MIPOL1: variants seen among roughly 807,000 people sequenced by gnomAD.
The protein encoded by MIPOL1 is mirror-image polydactyly gene 1 protein.
Under a neutral mutation model 60.9 loss-of-function variants are expected in MIPOL1, and 57 were observed. The ratio of observed to expected loss-of-function variants is 0.94; its 90% CI spans 0.76 to 1.17. MIPOL1 has a LOEUF of 1.17. Ranked by LOEUF, MIPOL1 falls within the 50% of genes most tolerant of loss-of-function variation. MIPOL1 has a pLI of 0.00. For missense variants in MIPOL1, 551 were observed against 511.6 expected, an observed-to-expected ratio of 1.08 and a Z score of -0.74; for synonymous variants, 179 against 168.8, an observed-to-expected ratio of 1.06 and a Z score of -0.47.
chr14:37,335,482 GTACCTTATA>G (rs1449614274), intron 9 of MIPOL1, among the ~76,000 whole-genome samples: 4 of 151,968 alleles, frequency 2.6e-5, no homozygotes, highest in Non-Finnish European at 1.5e-5. Flanking sequence ...AGTATTCTAG[GTACCTTATA>G]TAGGTGGAAT....
intron 9 of MIPOL1, among the ~76,000 whole-genome samples, chr14:37,360,351 A>G (rs991123200): frequency 2.0e-5 from 3 of 151,986 alleles, no homozygotes; most frequent in Admixed American, 1.3e-4. Flanking sequence ...ATTAGGGAGG[A>G]TTCCCTCTTT....
intron 1 of MIPOL1, among the ~76,000 whole-genome samples, chr14:37,228,174 T>C (rs1970042701): frequency 6.6e-6 from 1 of 152,126 alleles, no homozygotes; most frequent in Non-Finnish European, 1.5e-5. Flanking sequence ...TTAAGAACCA[T>C]ACACATTACA....
At chr14:37,367,205 G>T (rs1409783999) in intron 9 of MIPOL1, among the ~76,000 whole-genome samples, 2 of 141,940 alleles carry the variant, frequency 1.4e-5, no homozygotes, top group Non-Finnish European at 3.2e-5. Context: ...TTTCAAAATT[G>T]CAGAGTTTAA....
intron 1 of MIPOL1, among the ~76,000 whole-genome samples, chr14:37,241,899 A>G (rs138711672): frequency 1.5e-3 from 223 of 152,274 alleles, no homozygotes; most frequent in African/African-American, 4.5e-3. Context: ...ATTCCAAGAC[A>G]TTCTTGCCAT....
intron 6 of MIPOL1, among the ~76,000 whole-genome samples, chr14:37,279,268 C>T (rs949384431): frequency 1.3e-5 from 2 of 149,032 alleles, no homozygotes; most frequent in African/African-American, 4.9e-5. Context: ...ATACGAGATG[C>T]AATTAACAGT....
intron 3 of MIPOL1, among the ~76,000 whole-genome samples, chr14:37,248,541 C>CAGACAAGAGACACATATAGTGAAAG (rs1973555077): frequency 6.6e-6 from 1 of 151,794 alleles, no homozygotes; most frequent in Non-Finnish European, 1.5e-5. Context: ...GATGTACATA[C>CAGACAAGAGACACATATAGTGAAAG]AGACAAGAGA....
downstream of MIPOL1, chr14:37,552,207 G>C (rs1327654416): frequency 6.6e-6 from 1 of 152,054 alleles, no homozygotes; most frequent in Non-Finnish European, 1.5e-5. Context: ...ACATTACTTT[G>C]TTAAATTATT....
intron 5 of MIPOL1, 37 bp downstream of exon 5, chr14:37,268,830 G>A (rs757964988): frequency 1.4e-6 from 2 of 1,421,890 alleles, no homozygotes; most frequent in South Asian, 3.0e-5. Flanking sequence ...TATAGTATGG[G>A]TTTAGCTGTT....
chr14:37,350,828 A>G (rs1223852772), intron 9 of MIPOL1, among the ~76,000 whole-genome samples: 1 of 152,152 alleles, frequency 6.6e-6, no homozygotes, highest in Non-Finnish European at 1.5e-5. Flanking sequence ...AGAACATGCG[A>G]TGATCTCTTT....
intron 11 of MIPOL1, among the ~76,000 whole-genome samples, chr14:37,483,581 A>G (rs1189431359): frequency 6.6e-6 from 1 of 152,172 alleles, no homozygotes; most frequent in Non-Finnish European, 1.5e-5. Flanking sequence ...TCCAAAAACT[A>G]AAAATAGAAT....
intron 1 of MIPOL1, among the ~76,000 whole-genome samples, chr14:37,214,974 C>G (rs1363036704): frequency 6.6e-6 from 1 of 152,094 alleles, no homozygotes; most frequent in Non-Finnish European, 1.5e-5. Flanking sequence ...TATCCGGCGG[C>G]CTAACCATCT....
At chr14:37,485,647 TCATATCC>T (rs1340947236) in intron 11 of MIPOL1, among the ~76,000 whole-genome samples, 1 of 152,248 alleles carries the variant, frequency 6.6e-6, no homozygotes, top group Non-Finnish European at 1.5e-5. Flanking sequence ...AAGTTTCTGT[TCATATCC>T]TTTGCCCACT....
At chr14:37,318,791 T>TTTTATTTA (rs149083164) in intron 9 of MIPOL1, among the ~76,000 whole-genome samples, 10 of 149,704 alleles carry the variant, frequency 6.7e-5, no homozygotes, top group African/African-American at 2.5e-4. Flanking sequence ...TTTTACTTCA[T>TTTTATTTA]TTTATTTATT....
At chr14:37,386,697 TAGAC>T (rs1191542923) in intron 10 of MIPOL1, among the ~76,000 whole-genome samples, 2 of 152,100 alleles carry the variant, frequency 1.3e-5, no homozygotes, top group Non-Finnish European at 2.9e-5. Context: ...GATAGTTGCT[TAGAC>T]AGTTGTTAAT....
rs1384532167 is a variant in MIPOL1 at position 37,230,052 on chromosome 14, A to G, written c.-198-17051A>G. Among the ~76,000 whole-genome samples the G allele has an allele frequency of 2.0e-5, 3 of 152,164 alleles. No homozygotes were observed. In the East Asian group the frequency reaches 5.8e-4, roughly 29 times the overall value. ...ATGTATTATATTCTTAAAAATTGCTAAGAGAGTAGATTTTGTGTTTTCACC... is the reference window on the plus strand; with the variant it reads ...ATGTATTATATTCTTAAAAATTGCTGAGAGAGTAGATTTTGTGTTTTCACC... On this transcript the variant is annotated intron_variant, in intron 1 of 12. Coordinates refer to ENST00000684589, the MANE Select transcript of MIPOL1 (RefSeq NM_001388067.1).
intron 12 of MIPOL1, among the ~76,000 whole-genome samples, chr14:37,545,399 T>TA (rs2095543655): frequency 6.6e-6 from 1 of 152,222 alleles, no homozygotes; most frequent in African/African-American, 2.4e-5. Flanking sequence ...CACTAGTTTT[T>TA]AACCACTAGG....
intron 12 of MIPOL1, among the ~76,000 whole-genome samples, chr14:37,530,621 G>A (rs764947277): frequency 3.9e-5 from 6 of 152,088 alleles, no homozygotes; most frequent in African/African-American, 7.2e-5. Context: ...ATCTCAAGCC[G>A]TTCAAAGATA....
Position 37,229,671 on chromosome 14 carries a change from C to A in MIPOL1, c.-198-17432C>A, listed in dbSNP as rs150722735. 3.1e-3 allele frequency among the ~76,000 whole-genome samples: 471 copies of A among 152,192 alleles called. 2 individuals are homozygous for A. The highest frequency in any genetic ancestry group is 0.01 in the African/African-American group (432 of 41,508). On this transcript the variant is annotated intron_variant, in intron 1 of 12. Coordinates refer to ENST00000684589, the MANE Select transcript of MIPOL1 (RefSeq NM_001388067.1). ...GAGGAAAAATCTGTTACGGTCACTACTGATTATATACCTCTTTATGCTGGT... is the reference window on the plus strand; with the variant it reads ...GAGGAAAAATCTGTTACGGTCACTAATGATTATATACCTCTTTATGCTGGT...
intron 10 of MIPOL1, among the ~76,000 whole-genome samples, chr14:37,399,600 A>G (rs1472717256): frequency 2.0e-5 from 3 of 152,170 alleles, no homozygotes; most frequent in Admixed American, 1.3e-4. Context: ...ACAAAGCACA[A>G]TAGTTAATCC....
Sources: gnomAD v4.1 joint callset for allele counts (sites outside exome capture counted in the v4.1 genomes callset) on GRCh38, gnomAD v4.1.1 for gene constraint, MANE v1.5 for transcripts, NCBI Gene and HGNC (gene_info 2026-07-23, HGNC 2026-07-21) for gene names.